Variants in ATRNL1 observed in about 807,000 individuals in gnomAD.
ATRNL1 encodes attractin-like protein 1.
In ATRNL1, 95 loss-of-function variants were observed where a neutral mutation model predicts 182.7. That is an observed-to-expected ratio of 0.52 (90% confidence interval 0.44 to 0.62). The LOEUF (loss-of-function observed/expected upper bound fraction) is 0.62, where lower values mean the gene tolerates loss of function less well. Ranked by LOEUF, ATRNL1 falls within the 20% of genes least tolerant of loss-of-function variation. The pLI is 0.00. For missense variants in ATRNL1, 1,471 were observed against 1,679.5 expected (o/e 0.88, Z 2.17); for synonymous variants, 576 against 568.3 (o/e 1.01, Z -0.19).
At chr10:115,216,328 C>T (rs537780088) in intron 9 of ATRNL1, among the ~76,000 whole-genome samples, 7 of 152,044 alleles carry the variant, frequency 4.6e-5, no homozygotes, top group African/African-American at 1.2e-4. Flanking sequence ...TACATGTTGC[C>T]GAAGTGCTTT....
chr10:115,500,317 AAAAC>A (rs1162466693), intron 24 of ATRNL1, among the ~76,000 whole-genome samples: 3 of 152,208 alleles, frequency 2.0e-5, no homozygotes, highest in Admixed American at 2.0e-4. Context: ...AAACAAATTG[AAAAC>A]ATTAGTTTGC....
intron 27 of ATRNL1, among the ~76,000 whole-genome samples, chr10:115,778,986 T>C (rs1331770617): frequency 6.6e-6 from 1 of 152,180 alleles, no homozygotes; most frequent in East Asian, 1.9e-4. Flanking sequence ...TGTTTAGAAT[T>C]GCCAATACAT....
intron 28 of ATRNL1, among the ~76,000 whole-genome samples, chr10:115,925,662 CAAAG>C (rs1295736367): frequency 1.3e-5 from 2 of 151,880 alleles, no homozygotes; most frequent in African/African-American, 4.8e-5. Flanking sequence ...TCAAAAAAGA[CAAAG>C]AAGGGCATTA....
chr10:115,924,308 C>G (rs1385686156), intron 28 of ATRNL1, among the ~76,000 whole-genome samples: 3 of 151,998 alleles, frequency 2.0e-5, no homozygotes, highest in Non-Finnish European at 4.4e-5. Context: ...ACATTTCTGT[C>G]ATGAAGTTTT....
At position 115,799,180 on chromosome 10, in the gene ATRNL1, C is replaced by T. The variant is rs547549192; in HGVS notation, c.3904-48697C>T. Among the ~76,000 whole-genome samples, 3 of 152,188 alleles carry T rather than the reference C, an allele frequency of 2.0e-5. No homozygotes were observed. In the East Asian group the frequency reaches 5.8e-4, roughly 30 times the overall value. On this transcript the variant is annotated intron_variant, in intron 27 of 28. Coordinates refer to ENST00000355044, the MANE Select transcript of ATRNL1 (RefSeq NM_207303.4). ...ATCTTTACATTTATAATACCTGTCT[C>T]TTTGCTTTGCACACAATATGGACTT...
At chr10:115,281,521 G>T in intron 14 of ATRNL1, 34 bp downstream of exon 14, 1 of 1,598,718 alleles carries the variant, frequency 6.3e-7, no homozygotes, top group South Asian at 1.1e-5. Flanking sequence ...ATGAGTTTAT[G>T]GTCTACAGAT....
chr10:115,784,289 C>T (rs181267144), intron 27 of ATRNL1, among the ~76,000 whole-genome samples: 15 of 152,246 alleles, frequency 9.9e-5, no homozygotes, highest in Middle Eastern at 3.4e-3. Context: ...TAGGAAAAGA[C>T]GTGAGTCTTG....
At chr10:115,341,559 T>G (rs112615874) in intron 19 of ATRNL1, among the ~76,000 whole-genome samples, 1,633 of 152,244 alleles carry the variant, frequency 0.011, 12 homozygotes, top group South Asian at 0.033. Flanking sequence ...CCATGTTTCT[T>G]TGTTGATTTT....
chr10:115,221,836 A>G (rs1314726580), intron 9 of ATRNL1, among the ~76,000 whole-genome samples: 1 of 152,168 alleles, frequency 6.6e-6, no homozygotes, highest in Non-Finnish European at 1.5e-5. Flanking sequence ...TTATGGTGAA[A>G]TGCCCATAAT....
At chr10:115,155,096 T>C (rs570146470) in intron 5 of ATRNL1, among the ~76,000 whole-genome samples, 2 of 152,316 alleles carry the variant, frequency 1.3e-5, no homozygotes, top group Middle Eastern at 3.4e-3. Context: ...ACTTAACATC[T>C]GTTTTATCTA....
intron 26 of ATRNL1, among the ~76,000 whole-genome samples, chr10:115,555,092 C>A (rs782679482): frequency 9.2e-5 from 14 of 151,660 alleles, no homozygotes; most frequent in Non-Finnish European, 1.5e-4. Context: ...ACCAAGTGTT[C>A]TGTATTCTTA....
At chr10:115,890,059 G>A (rs1952042930) in intron 28 of ATRNL1, among the ~76,000 whole-genome samples, 1 of 152,162 alleles carries the variant, frequency 6.6e-6, no homozygotes, top group South Asian at 2.1e-4. Flanking sequence ...ACTCATATAT[G>A]TTTGCACAGA....
At chr10:115,427,595 T>C (rs981353748) in intron 21 of ATRNL1, among the ~76,000 whole-genome samples, 2 of 152,156 alleles carry the variant, frequency 1.3e-5, no homozygotes, top group East Asian at 3.8e-4. Context: ...TTTGAATTAA[T>C]ATTTGCATAT....
At chr10:115,628,151 AAAAAAAAAAGAAAG>A (rs1858230571) in intron 26 of ATRNL1, among the ~76,000 whole-genome samples, 1 of 151,748 alleles carries the variant, frequency 6.6e-6, no homozygotes. Flanking sequence ...TGTCTCAAAA[AAAAAAAAAAGAAAG>A]AAAAAAAAAG....
At chr10:115,937,781 C>T (rs1268810277) in intron 28 of ATRNL1, among the ~76,000 whole-genome samples, 2 of 152,142 alleles carry the variant, frequency 1.3e-5, no homozygotes, top group Non-Finnish European at 2.9e-5. Flanking sequence ...AAACTGTAGC[C>T]ATTAAAGGTT....
rs141065358 is a variant in ATRNL1 at position 115,407,233 on chromosome 10, T to G, written c.3269+12481T>G. ...TTATAATCTGTTTGTGTTAGGAACATTAACACAAATTATCTTTCCAGCGAT... is the reference window on the plus strand; with the variant it reads ...TTATAATCTGTTTGTGTTAGGAACAGTAACACAAATTATCTTTCCAGCGAT... On this transcript the variant is annotated intron_variant, in intron 20 of 28. Transcript: ENST00000355044. Among the ~76,000 whole-genome samples, 24 of 152,290 alleles carry G rather than the reference T, an allele frequency of 1.6e-4. No individual in the cohort carries two copies. The East Asian group carries it at 2.7e-3, about 17-fold the overall frequency.
intron 19 of ATRNL1, among the ~76,000 whole-genome samples, chr10:115,379,793 A>G (rs1389421895): frequency 6.6e-6 from 1 of 152,150 alleles, no homozygotes; most frequent in African/African-American, 2.4e-5. Context: ...AAAACTGTGT[A>G]GGTTTATTTA....
At position 115,423,922 on chromosome 10, in the gene ATRNL1, T is replaced by C. The variant is rs371726534; in HGVS notation, c.3270-2328T>C. 2.0e-5 allele frequency among the ~76,000 whole-genome samples: 3 copies of C among 152,148 alleles called. No homozygotes were observed. The East Asian group carries it at 5.8e-4, about 29-fold the overall frequency. On this transcript the variant is annotated intron_variant, in intron 20 of 28. Coordinates refer to ENST00000355044, the MANE Select transcript of ATRNL1 (RefSeq NM_207303.4). ...AAAGCACAGGCAACAAAAGCAAAAA[T>C]AGAGAAATGGGATTACATCAAAACA... is the stretch of plus-strand genomic sequence containing the variant.
At chr10:115,232,048 G>C (rs1220494041) in intron 9 of ATRNL1, among the ~76,000 whole-genome samples, 1 of 152,076 alleles carries the variant, frequency 6.6e-6, no homozygotes, top group African/African-American at 2.4e-5. Flanking sequence ...ATTGTCCTTA[G>C]TTTTTACTAT....
Sources: gnomAD v4.1 joint callset for allele counts (sites outside exome capture counted in the v4.1 genomes callset) on GRCh38, gnomAD v4.1.1 for gene constraint, MANE v1.5 for transcripts, NCBI Gene and HGNC (gene_info 2026-07-23, HGNC 2026-07-21) for gene names.